IPCEF1: variants seen among roughly 807,000 people sequenced by gnomAD.
The protein encoded by IPCEF1 is interactor protein for cytohesin exchange factors 1.
In IPCEF1, 31 loss-of-function variants were observed where a neutral mutation model predicts 50.9. The observed-to-expected ratio is 0.61, with a 90% CI of 0.46 to 0.82. The LOEUF is 0.82. Among genes scored for constraint, IPCEF1 ranks in the 40% least tolerant of loss-of-function variants. The pLI, the probability that IPCEF1 is intolerant of heterozygous loss-of-function variation, is 0.00. For synonymous variants in IPCEF1, 181 were observed against 192.0 expected, an observed-to-expected ratio of 0.94 and a Z score of 0.47; for missense variants, 458 against 514.0, an observed-to-expected ratio of 0.89 and a Z score of 1.05.
chr6:154,223,086 T>C (rs970170373), intron 6 of IPCEF1, 84 bp downstream of exon 6: 1 of 1,111,722 alleles, frequency 9.0e-7, no homozygotes, highest in Admixed American at 1.8e-5. Context: ...TTCACTCACT[T>C]CTAAATCACC....
intron 1 of IPCEF1, among the ~76,000 whole-genome samples, chr6:154,294,807 A>G (rs1166937058): frequency 2.0e-5 from 3 of 152,000 alleles, no homozygotes; most frequent in Non-Finnish European, 4.4e-5. Context: ...AGCTGAACTA[A>G]GGAGAAAGTC....
At chr6:154,167,795 T>A (rs1424027017) in intron 11 of IPCEF1, 125 bp downstream of exon 11, 3 of 668,182 alleles carry the variant, frequency 4.5e-6, no homozygotes, top group Non-Finnish European at 7.5e-6. Context: ...AAAGGTTATA[T>A]TTACTTTTAC....
intron 3 of IPCEF1, among the ~76,000 whole-genome samples, chr6:154,260,725 C>G (rs13216487): frequency 0.3 from 46,127 of 151,970 alleles, 7,626 homozygotes; most frequent in Admixed American, 0.49. Flanking sequence ...CCTGTCTCGG[C>G]CTCCCAAAGT....
intron 2 of IPCEF1, among the ~76,000 whole-genome samples, chr6:154,284,926 G>A (rs1352231565): frequency 1.3e-5 from 2 of 152,114 alleles, no homozygotes; most frequent in African/African-American, 2.4e-5. Flanking sequence ...CTTGAACCCA[G>A]GAGGCAGAGG....
chr6:154,313,067 C>CAAA (rs71021040), intron 1 of IPCEF1, among the ~76,000 whole-genome samples: 3 of 59,036 alleles, frequency 5.1e-5, no homozygotes, highest in African/African-American at 2.1e-4. Flanking sequence ...GGCCCTGTCT[C>CAAA]AAAAAAAAAA....
At chr6:154,316,363 A>G (rs1472382524) in intron 1 of IPCEF1, among the ~76,000 whole-genome samples, 1 of 152,198 alleles carries the variant, frequency 6.6e-6, no homozygotes, top group African/African-American at 2.4e-5. Flanking sequence ...TACTTACTTT[A>G]TTGCTGTGGT....
chr6:154,321,045 C>T (rs1298140704), intron 1 of IPCEF1, among the ~76,000 whole-genome samples: 2 of 152,024 alleles, frequency 1.3e-5, no homozygotes, highest in Admixed American at 6.6e-5. Context: ...ATCCTCCCAC[C>T]TCAGCCTCCT....
intron 1 of IPCEF1, among the ~76,000 whole-genome samples, chr6:154,336,146 C>T (rs921302696): frequency 6.6e-6 from 1 of 152,166 alleles, no homozygotes; most frequent in Non-Finnish European, 1.5e-5. Flanking sequence ...CTACCATATG[C>T]TCCCACATTC....
At chr6:154,200,094 A>G (rs539246157) in intron 9 of IPCEF1, 54 bp from the exon 10 acceptor site, 211 of 1,468,502 alleles carry the variant, frequency 1.4e-4, no homozygotes, top group Middle Eastern at 1.9e-4. Context: ...TGATTAAACC[A>G]TCATTCTCTA....
intron 5 of IPCEF1, among the ~76,000 whole-genome samples, chr6:154,223,839 C>G (rs1583841261): frequency 6.6e-6 from 1 of 152,224 alleles, no homozygotes; most frequent in African/African-American, 2.4e-5. Context: ...CACAGAGCTG[C>G]ATCTTTCAGA....
rs549091076 is a variant in IPCEF1, at chr6:154,247,386, C to T, written c.76+63G>A. 3.1e-5 allele frequency: 42 copies of T among 1,345,800 alleles called. No individual in the cohort carries two copies. The South Asian group carries it at 4.5e-4, about 14-fold the overall frequency. The allele number at this position is 1,345,800 out of a possible 1,614,324, so 83.4% of individuals were successfully genotyped here. A position where few individuals can be genotyped will look rare whatever the true frequency, so the allele number is the denominator to read the frequency against. On this transcript the variant is annotated intron_variant, in intron 4 of 11. Coordinates refer to ENST00000367220, the MANE Select transcript of IPCEF1 (RefSeq NM_001130700.2). ...AAATCTGATCCCAAGGAAGGCACCCCGGAGAAAAGCCACACTCAACGTACA... is the reference window on the plus strand; with the variant it reads ...AAATCTGATCCCAAGGAAGGCACCCTGGAGAAAAGCCACACTCAACGTACA...
chr6:154,259,594 G>A (rs150838353), intron 3 of IPCEF1, among the ~76,000 whole-genome samples: 100 of 152,312 alleles, frequency 6.6e-4, no homozygotes, highest in African/African-American at 2.2e-3. Flanking sequence ...AGAGGTTGTG[G>A]TGAACCGAGA....
At chr6:154,177,832 A>G (rs1377535051) in intron 10 of IPCEF1, among the ~76,000 whole-genome samples, 12 of 152,334 alleles carry the variant, frequency 7.9e-5, no homozygotes, top group African/African-American at 2.2e-4. Context: ...ATAAAGACAC[A>G]TGCACACATA....
At chr6:154,173,989 C>T (rs1800088962) in intron 10 of IPCEF1, among the ~76,000 whole-genome samples, 1 of 152,210 alleles carries the variant, frequency 6.6e-6, no homozygotes. Flanking sequence ...AGAAACCCTA[C>T]AAGCCAGAAG....
intron 2 of IPCEF1, among the ~76,000 whole-genome samples, chr6:154,287,339 G>A (rs946187511): frequency 2.6e-5 from 4 of 152,040 alleles, no homozygotes; most frequent in African/African-American, 9.7e-5. Context: ...TCAGTCTCAG[G>A]TAGTTCTTTA....
chr6:154,230,283 G>C (rs187217332), intron 5 of IPCEF1, among the ~76,000 whole-genome samples: 10 of 152,246 alleles, frequency 6.6e-5, no homozygotes, highest in Admixed American at 6.5e-4. Context: ...CATGCAGATG[G>C]GGATATTGAT....
At chr6:154,304,333 A>C (rs981028775) in intron 1 of IPCEF1, among the ~76,000 whole-genome samples, 32 of 152,226 alleles carry the variant, frequency 2.1e-4, no homozygotes, top group Middle Eastern at 3.2e-3. Context: ...TAAAGAGTAT[A>C]GTATTCGTGC....
intron 5 of IPCEF1, among the ~76,000 whole-genome samples, chr6:154,240,965 C>A (rs77891520): frequency 1.2e-3 from 182 of 152,210 alleles, no homozygotes; most frequent in African/African-American, 4.0e-3. Context: ...GGGCCAGGTG[C>A]GGTGGCTCAT....
chr6:154,322,556 G>C (rs546560926), intron 1 of IPCEF1, among the ~76,000 whole-genome samples: 1 of 152,212 alleles, frequency 6.6e-6, no homozygotes, highest in South Asian at 2.1e-4. Context: ...AGAAAATGTT[G>C]GCCAGGCGTG....
Sources: gnomAD v4.1 joint callset for allele counts (sites outside exome capture counted in the v4.1 genomes callset) on GRCh38, gnomAD v4.1.1 for gene constraint, MANE v1.5 for transcripts, NCBI Gene and HGNC (gene_info 2026-07-23, HGNC 2026-07-21) for gene names.